TMEM217B: variants seen among roughly 807,000 people sequenced by gnomAD.
TMEM217B encodes transmembrane protein 217B, also known as putative transmembrane protein 217B.
the TMEM217B span, among the ~76,000 whole-genome samples, chr6:37,233,780 T>TACTA: frequency 7.2e-5 from 11 of 152,148 alleles, 1 homozygote; most frequent in Non-Finnish European, 4.4e-5. Flanking sequence ...CTAACGAAGT[T>TACTA]ACTAACTAAC....
chr6:37,214,331 G>A, the TMEM217B span, among the ~76,000 whole-genome samples: 3 of 152,078 alleles, frequency 2.0e-5, no homozygotes, highest in Non-Finnish European at 2.9e-5. Context: ...AGGATGAAGC[G>A]ATTCTCATGC....
chr6:37,252,749 C>A, the TMEM217B span, among the ~76,000 whole-genome samples: 5 of 150,972 alleles, frequency 3.3e-5, no homozygotes, highest in South Asian at 1.0e-3. Context: ...AAGTGATCCT[C>A]CCACCTCAGC....
At chr6:37,240,702 C>T in the TMEM217B span, among the ~76,000 whole-genome samples, 1 of 152,050 alleles carries the variant, frequency 6.6e-6, no homozygotes, top group Admixed American at 6.5e-5. Context: ...TGTATGTATA[C>T]ATGTATGTGT....
At chr6:37,222,799 T>C in the TMEM217B span, among the ~76,000 whole-genome samples, 3 of 152,042 alleles carry the variant, frequency 2.0e-5, no homozygotes, top group African/African-American at 7.2e-5. Context: ...ACCCGGTGAG[T>C]TCCCGACTTA....
chr6:37,226,356 T>G, the TMEM217B span, among the ~76,000 whole-genome samples: 3 of 136,676 alleles, frequency 2.2e-5, no homozygotes, highest in East Asian at 2.4e-4. Context: ...GCAGTGGCGC[T>G]ATCTTGGCTC....
At chr6:37,220,184 C>T in the TMEM217B span, among the ~76,000 whole-genome samples, 2 of 151,956 alleles carry the variant, frequency 1.3e-5, no homozygotes, top group South Asian at 4.2e-4. Flanking sequence ...TGACATGTTG[C>T]CAAAAAGCAA....
the TMEM217B span, chr6:37,219,153 C>T: frequency 0.013 from 12,658 of 943,614 alleles, 969 homozygotes; most frequent in African/African-American, 0.17. Flanking sequence ...GACAGAAATA[C>T]GAAAACTGGG....
chr6:37,257,249 G>A, the TMEM217B span, among the ~76,000 whole-genome samples: 7 of 152,154 alleles, frequency 4.6e-5, no homozygotes, highest in South Asian at 2.1e-4. Flanking sequence ...CAGAGGGAGA[G>A]GGAGACTCTG....
At chr6:37,250,600 T>A in the TMEM217B span, among the ~76,000 whole-genome samples, 83 of 152,386 alleles carry the variant, frequency 5.4e-4, no homozygotes, top group Middle Eastern at 6.8e-3. Context: ...TCCTAGGTAC[T>A]GTACCTTAAA....
chr6:37,247,314 C>A, the TMEM217B span, among the ~76,000 whole-genome samples: 1 of 150,884 alleles, frequency 6.6e-6, no homozygotes, highest in Non-Finnish European at 1.5e-5. Flanking sequence ...TTGGAGGTGA[C>A]AGAAACACGA....
the TMEM217B span, chr6:37,212,794 A>G: frequency 2.7e-6 from 2 of 740,430 alleles, no homozygotes; most frequent in Admixed American, 2.0e-5. Flanking sequence ...GCCAGTGCTG[A>G]TATTAGCCCT....
At chr6:37,253,574 G>C in the TMEM217B span, among the ~76,000 whole-genome samples, 4 of 152,122 alleles carry the variant, frequency 2.6e-5, no homozygotes, top group African/African-American at 4.8e-5. Context: ...TTAAATCCCA[G>C]CTTGACCTCA....
chr6:37,231,821 G>A, the TMEM217B span, among the ~76,000 whole-genome samples: 6 of 149,088 alleles, frequency 4.0e-5, no homozygotes, highest in Non-Finnish European at 8.9e-5. Flanking sequence ...CAGGAAATGG[G>A]GCTACTCTGC....
the TMEM217B span, among the ~76,000 whole-genome samples, chr6:37,239,653 C>T: frequency 2.0e-5 from 3 of 151,954 alleles, no homozygotes; most frequent in African/African-American, 7.2e-5. Context: ...TTTTTATTTT[C>T]AATTGCTCTC....
the TMEM217B span, chr6:37,218,407 C>T: frequency 6.4e-7 from 1 of 1,559,782 alleles, no homozygotes; most frequent in Non-Finnish European, 8.7e-7. Flanking sequence ...GAACTCCTGA[C>T]CTCAGGCGAT....
At chr6:37,234,764 T>C in the TMEM217B span, among the ~76,000 whole-genome samples, 2 of 151,802 alleles carry the variant, frequency 1.3e-5, no homozygotes, top group South Asian at 4.1e-4. Flanking sequence ...TAAATATCGG[T>C]ATACACATGT....
the TMEM217B span, among the ~76,000 whole-genome samples, chr6:37,249,489 T>G: frequency 6.6e-6 from 1 of 152,082 alleles, no homozygotes; most frequent in Non-Finnish European, 1.5e-5. Context: ...CCAGATAATT[T>G]TTTTGTATTT....
At chr6:37,215,339 A>G in the TMEM217B span, 2 of 1,579,130 alleles carry the variant, frequency 1.3e-6, no homozygotes, top group South Asian at 2.2e-5. Context: ...AGAAAAGAAA[A>G]CTTGAGGCAG....
At chr6:37,212,586 T>C in the TMEM217B span, 1 of 473,302 alleles carries the variant, frequency 2.1e-6, no homozygotes, top group Non-Finnish European at 4.2e-6. Context: ...GGAGCATGTG[T>C]GAGATTTGGA....
Sources: allele counts gnomAD v4.1 joint callset (sites outside exome capture counted in the v4.1 genomes callset), GRCh38; gene constraint gnomAD v4.1.1; transcripts MANE v1.5; gene names NCBI Gene and HGNC (gene_info 2026-07-23, HGNC 2026-07-21).